Variants in HSD17B2 observed in about 807,000 individuals in gnomAD.
HSD17B2 encodes the protein hydroxysteroid 17-beta dehydrogenase 2.
In HSD17B2, 32 loss-of-function variants were observed where a neutral mutation model predicts 26.9. That is an observed-to-expected ratio of 1.19 (90% CI 0.90 to 1.60). HSD17B2 has a LOEUF of 1.60. Among genes scored for constraint, HSD17B2 ranks in the 40% most tolerant of loss-of-function variants. The pLI is 0.00. For missense variants in HSD17B2, 613 were observed against 468.6 expected, an observed-to-expected ratio of 1.31 and a Z score of -2.85; for synonymous variants, 246 against 186.7, an observed-to-expected ratio of 1.32 and a Z score of -2.59.
chr16:82,077,089 A>G (rs1904306400), intron 3 of HSD17B2, among the ~76,000 whole-genome samples: 1 of 152,218 alleles, frequency 6.6e-6, no homozygotes, highest in South Asian at 2.1e-4. Context: ...CGTCCATACT[A>G]TTCAAGGAAA....
intron 1 of HSD17B2, among the ~76,000 whole-genome samples, chr16:82,045,821 G>A (rs1913909265): frequency 6.6e-6 from 1 of 152,220 alleles, no homozygotes; most frequent in African/African-American, 2.4e-5. Flanking sequence ...TTTAAGCTCT[G>A]ACCTCTTTGA....
intron 3 of HSD17B2, among the ~76,000 whole-genome samples, chr16:82,089,024 C>A (rs1023009542): frequency 6.6e-6 from 1 of 152,106 alleles, no homozygotes; most frequent in Non-Finnish European, 1.5e-5. Context: ...GAAGGCTCCA[C>A]CCTCAGGACT....
chr16:82,060,016 G>A (rs1914388484), intron 1 of HSD17B2, among the ~76,000 whole-genome samples: 1 of 152,194 alleles, frequency 6.6e-6, no homozygotes, highest in South Asian at 2.1e-4. Flanking sequence ...GAGGAGGGAG[G>A]TCAAGTATTT....
chr16:82,072,173 T>C (rs1466186294), intron 3 of HSD17B2, among the ~76,000 whole-genome samples: 2 of 151,934 alleles, frequency 1.3e-5, no homozygotes, highest in African/African-American at 4.8e-5. Flanking sequence ...TTGACTAGAG[T>C]CTTGGTTGGC....
chr16:82,040,378 A>G (rs553907277), intron 1 of HSD17B2, among the ~76,000 whole-genome samples: 7 of 152,342 alleles, frequency 4.6e-5, no homozygotes, highest in Admixed American at 4.6e-4. Flanking sequence ...TAACCTTTAC[A>G]TGCATTTTAT....
chr16:82,045,506 T>C (rs1409737119), intron 1 of HSD17B2, among the ~76,000 whole-genome samples: 3 of 152,360 alleles, frequency 2.0e-5, no homozygotes, highest in Non-Finnish European at 4.4e-5. Flanking sequence ...CTTTATAAAA[T>C]ATAATGATTT....
chr16:82,045,508 T>C (rs1372554266), intron 1 of HSD17B2, among the ~76,000 whole-genome samples: 2 of 152,262 alleles, frequency 1.3e-5, no homozygotes, highest in African/African-American at 4.8e-5. Context: ...TTATAAAATA[T>C]AATGATTTTT....
intron 1 of HSD17B2, among the ~76,000 whole-genome samples, chr16:82,041,505 G>A (rs781124463): frequency 7.2e-5 from 11 of 152,296 alleles, no homozygotes; most frequent in Non-Finnish European, 1.3e-4. Context: ...GGTTCTAAGC[G>A]TGCTCCTGCT....
In HSD17B2 at chr16:82,098,351, A is replaced by G; in HGVS notation, c.1079A>G (p.Asp360Gly). ...LAHYLPIGIY[D>G]YFAKRHFGQD... ...CACTATTTGCCTATTGGCATATATG[A>G]TTACTTTGCTAAAAGACATTTTGGC... The change falls in exon 5 of 5, where the codon GAT becomes GGT. Residue 360 changes from aspartate (D) to glycine (G), a missense_variant. Physicochemically the swap from Asp to Gly is moderately conservative, Grantham distance 94. Coordinates refer to ENST00000199936, the MANE Select transcript of HSD17B2 (RefSeq NM_002153.3). The G allele has an allele frequency of 1.9e-6, 3 of 1,614,180 alleles. No individual in the cohort carries two copies. Among genetic ancestry groups the G allele is most frequent in the Non-Finnish European group, 2.5e-6 (3 of 1,180,004 alleles).
chr16:82,058,127 A>G (rs1914328687), intron 1 of HSD17B2, among the ~76,000 whole-genome samples: 1 of 148,854 alleles, frequency 6.7e-6, no homozygotes, highest in African/African-American at 2.5e-5. Flanking sequence ...GCTGGAGTGC[A>G]GCAGTATGAG....
At chr16:82,080,541 T>G (rs1253221920) in intron 3 of HSD17B2, among the ~76,000 whole-genome samples, 2 of 152,190 alleles carry the variant, frequency 1.3e-5, no homozygotes, top group African/African-American at 4.8e-5. Context: ...AGAAGGAGCA[T>G]GACCCTGCTG....
chr16:82,082,771 T>G (rs1202623473), intron 3 of HSD17B2, among the ~76,000 whole-genome samples: 1 of 152,040 alleles, frequency 6.6e-6, no homozygotes, highest in East Asian at 1.9e-4. Flanking sequence ...ACATTAAGAG[T>G]TATTATGAAG....
intron 3 of HSD17B2, among the ~76,000 whole-genome samples, chr16:82,075,951 C>T (rs1195444294): frequency 6.7e-6 from 1 of 149,804 alleles, no homozygotes; most frequent in South Asian, 2.1e-4. Flanking sequence ...GCCAATATAC[C>T]TCATGAACGT....
intron 3 of HSD17B2, among the ~76,000 whole-genome samples, chr16:82,072,451 T>C (rs1476592290): frequency 6.6e-6 from 1 of 152,234 alleles, no homozygotes; most frequent in Non-Finnish European, 1.5e-5. Context: ...TTCCCTGGAA[T>C]AGTCTGGTAC....
chr16:82,062,404 T>C (rs1914464985), intron 1 of HSD17B2, among the ~76,000 whole-genome samples: 1 of 152,198 alleles, frequency 6.6e-6, no homozygotes, highest in Non-Finnish European at 1.5e-5. Flanking sequence ...CAAAGGACCC[T>C]CTCTCAGTTT....
rs1567586323 is a variant in HSD17B2 at position 82,068,218 on chromosome 16, TG to T, written c.317del (p.Gly106AlafsTer9). The T allele has an allele frequency of 1.9e-6, 3 of 1,614,176 alleles. No individual in the cohort carries two copies. ...GCTTTGTGCAAGTATCTGGATGAGC[TG>T]GGCTTCACGGTATTTGCCGGAGTTT... is the stretch of plus-strand genomic sequence containing the variant. Reference protein sequence around the residue: ...GHALCKYLDELGFTVFAGVLN... With the variant: ...GHALCKYLDEXGFTVFAGVLN... On this transcript the variant is annotated frameshift_variant, in exon 2 of 5. Coordinates refer to ENST00000199936, the MANE Select transcript of HSD17B2 (RefSeq NM_002153.3). LOFTEE classifies it high-confidence loss of function.
intron 1 of HSD17B2, among the ~76,000 whole-genome samples, chr16:82,054,641 A>T (rs1035817574): frequency 6.6e-6 from 1 of 152,178 alleles, no homozygotes; most frequent in African/African-American, 2.4e-5. Flanking sequence ...CACCGGGCTC[A>T]GCCCTGCCCT....
At chr16:82,075,558 C>G (rs1432058655) in intron 3 of HSD17B2, among the ~76,000 whole-genome samples, 1 of 152,068 alleles carries the variant, frequency 6.6e-6, no homozygotes, top group Middle Eastern at 3.4e-3. Flanking sequence ...CACAGAAACT[C>G]AAAAGATCAT....
chr16:82,078,917 A>G (rs2143998390), intron 3 of HSD17B2, among the ~76,000 whole-genome samples: 1 of 152,354 alleles, frequency 6.6e-6, no homozygotes, highest in Middle Eastern at 3.4e-3. Context: ...GGAATGGTTA[A>G]TGGGTACAAA....
Sources: gnomAD v4.1 joint callset for allele counts (sites outside exome capture counted in the v4.1 genomes callset) on GRCh38, gnomAD v4.1.1 for gene constraint, MANE v1.5 for transcripts, NCBI Gene and HGNC (gene_info 2026-07-23, HGNC 2026-07-21) for gene names.